Variants in THAP8 observed in about 807,000 individuals in gnomAD.
THAP8 encodes THAP domain-containing protein 8.
Under a neutral mutation model 25.0 loss-of-function variants are expected in THAP8, and 24 were observed. That is an observed-to-expected ratio of 0.96 (90% CI 0.69 to 1.35). The LOEUF is 1.35. Among genes scored for constraint, THAP8 ranks in the 40% most tolerant of loss-of-function variants. The pLI is 0.00. For synonymous variants in THAP8, 169 were observed against 157.6 expected (o/e 1.07, Z -0.54); for missense variants, 399 against 368.8 (o/e 1.08, Z -0.67).
At chr19:36,037,046 CA>C (rs1969480495) in intron 3 of THAP8, among the ~76,000 whole-genome samples, 1 of 151,746 alleles carries the variant, frequency 6.6e-6, no homozygotes, top group Non-Finnish European at 1.5e-5. Context: ...TCTGTGTGGG[CA>C]TCTCTCTCAT....
intron 1 of THAP8, among the ~76,000 whole-genome samples, chr19:36,046,834 C>G (rs1458355297): frequency 6.6e-6 from 1 of 152,180 alleles, no homozygotes; most frequent in Non-Finnish European, 1.5e-5. Flanking sequence ...ACTATGTTTC[C>G]CAGGATCCTT....
chr19:36,050,964 A>G (rs1468077905), intron 1 of THAP8, among the ~76,000 whole-genome samples: 1 of 152,242 alleles, frequency 6.6e-6, no homozygotes, highest in Non-Finnish European at 1.5e-5. Flanking sequence ...TTGGAGACAC[A>G]AACAGGAGGA....
intron 3 of THAP8, among the ~76,000 whole-genome samples, chr19:36,036,527 C>T (rs756383305): frequency 1.3e-5 from 2 of 152,080 alleles, no homozygotes; most frequent in African/African-American, 2.4e-5. Context: ...GCTTCAGCCT[C>T]CCAAAGTGCT....
At chr19:36,043,476 C>A (rs1232174566) in intron 1 of THAP8, among the ~76,000 whole-genome samples, 1 of 152,098 alleles carries the variant, frequency 6.6e-6, no homozygotes, top group East Asian at 1.9e-4. Context: ...GGTTATACAA[C>A]ACTTAACATT....
chr19:36,043,302 A>G (rs1359725317), intron 1 of THAP8, among the ~76,000 whole-genome samples: 1 of 152,182 alleles, frequency 6.6e-6, no homozygotes, highest in African/African-American at 2.4e-5. Context: ...GGTAAGTGAA[A>G]TAAGCCAGTC....
At chr19:36,049,743 T>G (rs1970000374) in intron 1 of THAP8, among the ~76,000 whole-genome samples, 3 of 152,186 alleles carry the variant, frequency 2.0e-5, no homozygotes, top group Admixed American at 2.0e-4. Flanking sequence ...CTATTGTTGT[T>G]GTTATGAGAG....
upstream of THAP8, chr19:36,054,362 G>A: frequency 1.0e-6 from 1 of 974,950 alleles, no homozygotes; most frequent in Non-Finnish European, 1.5e-6. Context: ...GGAGAGAGCT[G>A]AGAGCGCCTG....
chr19:36,036,855 C>T (rs889567287), intron 3 of THAP8, among the ~76,000 whole-genome samples: 3 of 150,912 alleles, frequency 2.0e-5, no homozygotes, highest in Non-Finnish European at 2.9e-5. Context: ...ACAGGAGAAT[C>T]GCTTGAACCA....
chr19:36,040,170 A>G (rs1969640982), intron 1 of THAP8, 34 bp from the exon 2 acceptor site: 1 of 1,570,744 alleles, frequency 6.4e-7, no homozygotes, highest in Non-Finnish European at 8.6e-7. Flanking sequence ...GGTCAGTGCT[A>G]CGAGGTTCAG....
intron 3 of THAP8, among the ~76,000 whole-genome samples, chr19:36,037,637 GT>G (rs1335493545): frequency 6.6e-6 from 1 of 151,778 alleles, no homozygotes; most frequent in African/African-American, 2.4e-5. Flanking sequence ...TTATAATGAG[GT>G]TTTTTTTGTT....
At chr19:36,040,249 AG>A in intron 1 of THAP8, 113 bp from the exon 2 acceptor site, 1 of 1,121,986 alleles carries the variant, frequency 8.9e-7, no homozygotes, top group Non-Finnish European at 1.2e-6. Flanking sequence ...CCCTAGGGCT[AG>A]GAAGTAGACC....
At chr19:36,054,302 C>G (rs1329305428), upstream of THAP8, 3 of 1,475,336 alleles carry the variant, frequency 2.0e-6, no homozygotes, top group Non-Finnish European at 1.8e-6. Context: ...GCCCCACCCG[C>G]GCTCGCCGCC....
chr19:36,041,131 G>A (rs1034580713), intron 1 of THAP8, among the ~76,000 whole-genome samples: 17 of 150,632 alleles, frequency 1.1e-4, no homozygotes, highest in African/African-American at 4.2e-4. Flanking sequence ...GGCAACATAG[G>A]GAGACCTCGA....
upstream of THAP8, chr19:36,054,496 G>T: frequency 1.7e-6 from 1 of 576,932 alleles, no homozygotes; most frequent in South Asian, 2.0e-5. Context: ...TCACGTGTTG[G>T]GGGGAAGGGC....
intron 3 of THAP8, among the ~76,000 whole-genome samples, chr19:36,036,940 CAAAAAAAA>C (rs10522467): frequency 8.8e-6 from 1 of 113,178 alleles, no homozygotes; most frequent in Non-Finnish European, 1.8e-5. Flanking sequence ...GACTCCTTCT[CAAAAAAAA>C]AAAAAAAAAA....
chr19:36,046,112 TG>T, intron 1 of THAP8: 1 of 357,730 alleles, frequency 2.8e-6, no homozygotes, highest in Non-Finnish European at 5.5e-6. Context: ...AGGGACATGA[TG>T]GGAGGTGACT....
chr19:36,040,231 C>T, intron 1 of THAP8, 95 bp from the exon 2 acceptor site: 1 of 1,305,476 alleles, frequency 7.7e-7, no homozygotes, highest in Non-Finnish European at 1.0e-6. Context: ...GGCTCCAAGC[C>T]TGTGCCTCCC....
At chr19:36,037,243 TACACAC>T (rs67358015) in intron 3 of THAP8, among the ~76,000 whole-genome samples, 1,742 of 114,178 alleles carry the variant, frequency 0.015, 27 homozygotes, top group East Asian at 0.074. Flanking sequence ...CTTCCTCCCC[TACACAC>T]ACACACACAC....
At chr19:36,038,608 T>C (rs1403986029) in intron 3 of THAP8, among the ~76,000 whole-genome samples, 1 of 152,148 alleles carries the variant, frequency 6.6e-6, no homozygotes, top group African/African-American at 2.4e-5. Context: ...TACCAGCATT[T>C]TGGGACGCCA....
Sources: allele counts gnomAD v4.1 joint callset (sites outside exome capture counted in the v4.1 genomes callset), GRCh38; gene constraint gnomAD v4.1.1; transcripts MANE v1.5; gene names NCBI Gene and HGNC (gene_info 2026-07-23, HGNC 2026-07-21).